CTNNA3: variants seen among roughly 807,000 people sequenced by gnomAD.
The protein encoded by CTNNA3 is catenin alpha 3.
CTNNA3 carries 76 observed loss-of-function variants against 95.7 expected under a neutral mutation model. The observed-to-expected ratio is 0.79, with a 90% CI of 0.66 to 0.96. The LOEUF (loss-of-function observed/expected upper bound fraction) is 0.96, where lower values mean the gene tolerates loss of function less well. Ranked by LOEUF, CTNNA3 falls within the 40% of genes least tolerant of loss-of-function variation. The pLI, the probability that CTNNA3 is intolerant of heterozygous loss-of-function variation, is 0.00. For synonymous variants in CTNNA3, 431 were observed against 374.4 expected, an observed-to-expected ratio of 1.15 and a Z score of -1.74; for missense variants, 1,191 against 1,089.8, an observed-to-expected ratio of 1.09 and a Z score of -1.31.
rs573070081 is a variant in CTNNA3, at chr10:66,857,714, T to C, written c.1048-82190A>G. 2.6e-5 allele frequency among the ~76,000 whole-genome samples: 4 copies of C among 152,170 alleles called. No individual in the cohort carries two copies. The South Asian group carries it at 8.3e-4, about 32-fold the overall frequency. On this transcript the variant is annotated intron_variant, in intron 7 of 17. Coordinates refer to ENST00000433211, the MANE Select transcript of CTNNA3 (RefSeq NM_013266.4). ...TTGATTTGCCTCTCAGCTTGGCTCT[T>C]GTTGGCGTATAGTAATGTTAGTGAT...
chr10:66,656,829 G>GT (rs1846089306), intron 9 of CTNNA3, among the ~76,000 whole-genome samples: 3 of 151,884 alleles, frequency 2.0e-5, no homozygotes, highest in African/African-American at 7.3e-5. Context: ...TTTTGTTGTT[G>GT]TTTTTTGTTT....
At chr10:67,532,623 A>C (rs368837846) in intron 4 of CTNNA3, among the ~76,000 whole-genome samples, 2 of 152,196 alleles carry the variant, frequency 1.3e-5, no homozygotes, top group East Asian at 3.9e-4. Flanking sequence ...AGTTCAACTC[A>C]ATAGTCAAAT....
At chr10:67,543,713 AACATGCATTAGT>A (rs1159543285) in intron 3 of CTNNA3, among the ~76,000 whole-genome samples, 1 of 152,172 alleles carries the variant, frequency 6.6e-6, no homozygotes, top group East Asian at 1.9e-4. Flanking sequence ...ATACACATAT[AACATGCATTAGT>A]ACATATTCAT....
intron 5 of CTNNA3, among the ~76,000 whole-genome samples, chr10:67,375,091 T>G (rs1323559555): frequency 6.6e-6 from 1 of 152,194 alleles, no homozygotes; most frequent in Non-Finnish European, 1.5e-5. Context: ...TTAAATTATT[T>G]TAGTGTATGC....
At chr10:66,978,552 A>AAAAAAAAAAAAAAATATATATAT in intron 7 of CTNNA3, among the ~76,000 whole-genome samples, 1 of 37,884 alleles carries the variant, frequency 2.6e-5, no homozygotes, top group Non-Finnish European at 4.8e-5. Context: ...AAAAAAAAAA[A>AAAAAAAAAAAAAAATATATATAT]ATATATATAT....
Position 66,635,319 on chromosome 10 carries a change from T to G in CTNNA3, c.1282-13535A>C, listed in dbSNP as rs561529747. ...AACTAGTGTTATTCTTTGTTGTCACTGAGGTCAAGAATAAATATGAAGCAT... is the reference window on the plus strand; with the variant it reads ...AACTAGTGTTATTCTTTGTTGTCACGGAGGTCAAGAATAAATATGAAGCAT... On this transcript the variant is annotated intron_variant, in intron 9 of 17. Coordinates refer to ENST00000433211, the MANE Select transcript of CTNNA3 (RefSeq NM_013266.4). Among the ~76,000 whole-genome samples the G allele has an allele frequency of 2.6e-5, 4 of 152,274 alleles. No individual in the cohort carries two copies. In the South Asian group the frequency reaches 8.3e-4, roughly 32 times the overall value.
intron 2 of CTNNA3, among the ~76,000 whole-genome samples, chr10:67,617,483 A>C (rs1183421452): frequency 6.6e-6 from 1 of 151,542 alleles, no homozygotes; most frequent in Non-Finnish European, 1.5e-5. Flanking sequence ...TATATGCCAC[A>C]TTTTCTTTAT....
At chr10:66,589,847 G>GA (rs1331733393) in intron 10 of CTNNA3, among the ~76,000 whole-genome samples, 2 of 152,040 alleles carry the variant, frequency 1.3e-5, no homozygotes, top group Admixed American at 6.6e-5. Flanking sequence ...ATTTCAATGG[G>GA]AAAAAAGCCA....
intron 15 of CTNNA3, among the ~76,000 whole-genome samples, chr10:65,994,706 CTT>C (rs553053266): frequency 5.9e-5 from 9 of 152,182 alleles, no homozygotes; most frequent in African/African-American, 2.2e-4. Flanking sequence ...TCTCCTAAGA[CTT>C]TTAAGTTTCC....
At chr10:66,633,907 G>A (rs528410595) in intron 9 of CTNNA3, among the ~76,000 whole-genome samples, 27 of 151,982 alleles carry the variant, frequency 1.8e-4, no homozygotes, top group South Asian at 6.2e-4. Flanking sequence ...ACAAAAAAAC[G>A]CGATTGATGA....
At position 66,661,782 on chromosome 10, in the gene CTNNA3, G is replaced by T. The variant is rs1488260903; in HGVS notation, c.1282-39998C>A. On this transcript the variant is annotated intron_variant, in intron 9 of 17. Coordinates refer to ENST00000433211, the MANE Select transcript of CTNNA3 (RefSeq NM_013266.4). ...TCACCGAAGAGATTAATGTAAAATT[G>T]CTGAGAGTCTGCCAACAGGGTAAAT... is the stretch of plus-strand genomic sequence containing the variant. 3.3e-5 allele frequency among the ~76,000 whole-genome samples: 5 copies of T among 152,152 alleles called. No individual in the cohort carries two copies. The South Asian group carries it at 8.3e-4, about 25-fold the overall frequency.
At chr10:66,954,459 G>A (rs1308934291) in intron 7 of CTNNA3, among the ~76,000 whole-genome samples, 3 of 152,130 alleles carry the variant, frequency 2.0e-5, no homozygotes. Context: ...AGGCTACTAT[G>A]TACAGGAGAG....
intron 9 of CTNNA3, among the ~76,000 whole-genome samples, chr10:66,649,994 G>T (rs2132408999): frequency 6.6e-6 from 1 of 152,240 alleles, no homozygotes; most frequent in South Asian, 2.1e-4. Context: ...TAGCACTCCT[G>T]GTCTCAATAG....
intron 7 of CTNNA3, chr10:66,926,878 CT>C (rs1358236514): frequency 6.6e-7 from 1 of 1,505,486 alleles, no homozygotes; most frequent in East Asian, 2.3e-5. Context: ...AGGATTAATT[CT>C]TTTTTGGGGG....
chr10:67,342,023 T>C (rs1472293502), intron 5 of CTNNA3, among the ~76,000 whole-genome samples: 1 of 144,202 alleles, frequency 6.9e-6, no homozygotes, highest in Non-Finnish European at 1.5e-5. Flanking sequence ...CTATTCTACA[T>C]AGCTATTCCA....
chr10:66,258,687 T>C (rs537581012), intron 13 of CTNNA3, among the ~76,000 whole-genome samples: 1 of 152,192 alleles, frequency 6.6e-6, no homozygotes, highest in African/African-American at 2.4e-5. Flanking sequence ...TTTCAAAAGC[T>C]TTAGACCTAG....
chr10:67,016,102 G>A (rs1193189613), intron 7 of CTNNA3, among the ~76,000 whole-genome samples: 2 of 151,984 alleles, frequency 1.3e-5, no homozygotes, highest in African/African-American at 4.8e-5. Context: ...ATATACACTT[G>A]TGTCATTTAT....
intron 5 of CTNNA3, among the ~76,000 whole-genome samples, chr10:67,446,576 T>C (rs1846756749): frequency 6.6e-6 from 1 of 152,246 alleles, no homozygotes; most frequent in Non-Finnish European, 1.5e-5. Flanking sequence ...TCATCTTTTC[T>C]TATAGCATTT....
At chr10:67,149,856 G>C (rs1027063065) in intron 7 of CTNNA3, among the ~76,000 whole-genome samples, 5 of 152,170 alleles carry the variant, frequency 3.3e-5, no homozygotes, top group African/African-American at 1.2e-4. Flanking sequence ...CTATCAATCA[G>C]CATACCCTGG....
Sources: gnomAD v4.1 joint callset for allele counts (sites outside exome capture counted in the v4.1 genomes callset) on GRCh38, gnomAD v4.1.1 for gene constraint, MANE v1.5 for transcripts, NCBI Gene and HGNC (gene_info 2026-07-23, HGNC 2026-07-21) for gene names.